Variants in ENPP2 observed in about 807,000 individuals in gnomAD.
ENPP2 encodes the protein autotaxin.
ENPP2 carries 51 observed loss-of-function variants against 120.2 expected under a neutral mutation model. The ratio of observed to expected loss-of-function variants is 0.42; its 90% CI spans 0.34 to 0.54. ENPP2 has a LOEUF of 0.54. ENPP2 is among the 20% of genes least tolerant of loss of function. The pLI, the probability that ENPP2 is intolerant of heterozygous loss-of-function variation, is 0.04. For synonymous variants in ENPP2, 365 were observed against 366.4 expected, an observed-to-expected ratio of 1.00 and a Z score of 0.04; for missense variants, 920 against 1,066.5, an observed-to-expected ratio of 0.86 and a Z score of 1.91.
intron 1 of ENPP2, among the ~76,000 whole-genome samples, chr8:119,670,133 C>G (rs1818197496): frequency 6.6e-6 from 1 of 152,214 alleles, no homozygotes; most frequent in Non-Finnish European, 1.5e-5. Flanking sequence ...AGAGCCAAAA[C>G]TGCAAAAGGC....
At chr8:119,631,204 C>CTTTTTTTTT (rs60092023) in intron 2 of ENPP2, among the ~76,000 whole-genome samples, 1 of 61,746 alleles carries the variant, frequency 1.6e-5, no homozygotes, top group Non-Finnish European at 2.8e-5. Flanking sequence ...ATGCTGCTAT[C>CTTTTTTTTT]TTTTTTTTTT....
intron 1 of ENPP2, among the ~76,000 whole-genome samples, chr8:119,657,403 A>T (rs901134539): frequency 6.6e-6 from 1 of 152,176 alleles, no homozygotes; most frequent in Non-Finnish European, 1.5e-5. Context: ...AATTCTTCTT[A>T]CTAAACTGAA....
intron 1 of ENPP2, among the ~76,000 whole-genome samples, chr8:119,654,304 A>G (rs1186018983): frequency 7.0e-6 from 1 of 142,040 alleles, no homozygotes; most frequent in Non-Finnish European, 1.5e-5. Context: ...ATGTATCTAT[A>G]TATAATACTT....
intron 3 of ENPP2, among the ~76,000 whole-genome samples, chr8:119,625,386 G>A (rs1265673118): frequency 1.3e-5 from 2 of 152,210 alleles, no homozygotes; most frequent in Non-Finnish European, 2.9e-5. Flanking sequence ...ACAGCCTAAT[G>A]AAGCTGTTCT....
At chr8:119,576,362 T>C (rs965937113) in intron 19 of ENPP2, among the ~76,000 whole-genome samples, 6 of 152,298 alleles carry the variant, frequency 3.9e-5, no homozygotes, top group Admixed American at 6.5e-5. Context: ...GGTTTTGAAC[T>C]CTTGACCTCA....
chr8:119,563,429 C>A (rs1814134263), intron 23 of ENPP2, among the ~76,000 whole-genome samples: 1 of 152,094 alleles, frequency 6.6e-6, no homozygotes, highest in Admixed American at 6.5e-5. Flanking sequence ...TAGGGAGTGT[C>A]ATTCATTATT....
At chr8:119,664,800 G>A (rs1587593152) in intron 1 of ENPP2, among the ~76,000 whole-genome samples, 1 of 152,150 alleles carries the variant, frequency 6.6e-6, no homozygotes, top group African/African-American at 2.4e-5. Flanking sequence ...AAATAGCCGG[G>A]TGTGGTGGAA....
Position 119,625,498 on chromosome 8 carries a change from A to G in ENPP2, c.292+1067T>C, listed in dbSNP as rs112227186. Among the ~76,000 whole-genome samples, 336 of 152,330 alleles carry G rather than the reference A, an allele frequency of 2.2e-3. 1 individual carries two copies. Among genetic ancestry groups the G allele is most frequent in the African/African-American group, 7.6e-3 (317 of 41,578 alleles). ...TACCACTTAGGCAAAACACAGTAAT[A>G]ACTGTTTCTAATGATAAAATTTGAA... On this transcript the variant is annotated intron_variant, in intron 3 of 24. Coordinates refer to ENST00000075322, the MANE Select transcript of ENPP2 (RefSeq NM_001040092.3).
Position 119,600,729 on chromosome 8 carries a change from A to G in ENPP2, c.921T>C (p.Tyr307=). ...DHERPSVYAF[Y]SEQPDFSGHK... is the part of the protein sequence containing the mutation. Reference sequence around the variant, plus strand: ...GTCCAGAGAAATCAGGTTGCTCAGAATAGAAGGCATAGACCGAAGGCCTAT... The same window carrying G: ...GTCCAGAGAAATCAGGTTGCTCAGAGTAGAAGGCATAGACCGAAGGCCTAT... The change falls in exon 11 of 25, where the codon TAT becomes TAC. Residue 307 remains tyrosine (Y), a synonymous_variant. Coordinates refer to ENST00000075322, the MANE Select transcript of ENPP2 (RefSeq NM_001040092.3). 1 of 1,611,548 alleles carries G rather than the reference A, an allele frequency of 6.2e-7. No individual in the cohort carries two copies. Among genetic ancestry groups the G allele is most frequent in the Non-Finnish European group, 8.5e-7 (1 of 1,177,668 alleles).
chr8:119,586,099 G>T, intron 15 of ENPP2, 87 bp downstream of exon 15: 1 of 1,404,726 alleles, frequency 7.1e-7, no homozygotes, highest in Non-Finnish European at 9.8e-7. Flanking sequence ...ATTTCTTTCA[G>T]TGATGACTAA....
chr8:119,620,101 A>C (rs2130731446), intron 4 of ENPP2, among the ~76,000 whole-genome samples: 1 of 152,338 alleles, frequency 6.6e-6, no homozygotes, highest in Non-Finnish European at 1.5e-5. Flanking sequence ...CAATGGGGTA[A>C]CTATTATGCT....
At chr8:119,668,395 CT>C (rs929854786) in intron 1 of ENPP2, among the ~76,000 whole-genome samples, 2 of 147,580 alleles carry the variant, frequency 1.4e-5, no homozygotes, top group Non-Finnish European at 3.0e-5. Context: ...ATGTTCTATA[CT>C]TTTTTTTTCT....
chr8:119,612,055 T>C (rs1815150003), intron 8 of ENPP2, among the ~76,000 whole-genome samples: 1 of 151,898 alleles, frequency 6.6e-6, no homozygotes. Flanking sequence ...AAAAGAGATT[T>C]CCAAATTTAT....
rs183922511 is a variant in ENPP2, at chr8:119,592,180, C to T, written c.1082-1550G>A. Among the ~76,000 whole-genome samples, 326 of 152,218 alleles carry T rather than the reference C, an allele frequency of 2.1e-3. 2 individuals carry two copies. The highest frequency in any genetic ancestry group is 2.8e-3 in the Non-Finnish European group (191 of 68,012). On this transcript the variant is annotated intron_variant, in intron 12 of 24. Coordinates refer to ENST00000075322, the MANE Select transcript of ENPP2 (RefSeq NM_001040092.3). ...TTCATTATGACTCCAAAGACCATGC[C>T]CTAAAACACTAAACCATACCATCTT...
chr8:119,628,896 G>A (rs992264720), intron 2 of ENPP2, among the ~76,000 whole-genome samples: 4 of 152,110 alleles, frequency 2.6e-5, no homozygotes, highest in African/African-American at 9.7e-5. Flanking sequence ...TACATTTAGG[G>A]AAAATGAGAA....
At chr8:119,589,077 T>C (rs1813320936) in intron 13 of ENPP2, among the ~76,000 whole-genome samples, 1 of 152,224 alleles carries the variant, frequency 6.6e-6, no homozygotes, top group Non-Finnish European at 1.5e-5. Flanking sequence ...TGTATGTGTA[T>C]GTGTGTGTGT....
rs79966572 is a variant in ENPP2, at chr8:119,594,330, T to C, written c.973-470A>G. ...GGATAATAAATTAGAATATCATTAA[T>C]ACAATGAGATCCATCTTGTTCTAAG... On this transcript the variant is annotated intron_variant, in intron 11 of 24. Coordinates refer to ENST00000075322, the MANE Select transcript of ENPP2 (RefSeq NM_001040092.3). Among the ~76,000 whole-genome samples, 702 of 152,304 alleles carry C rather than the reference T, an allele frequency of 4.6e-3. 3 individuals are homozygous for C. Among genetic ancestry groups the C allele is most frequent in the African/African-American group, 0.016 (668 of 41,562 alleles).
chr8:119,566,203 C>G (rs1257414014), intron 22 of ENPP2, among the ~76,000 whole-genome samples: 1 of 152,186 alleles, frequency 6.6e-6, no homozygotes, highest in Non-Finnish European at 1.5e-5. Context: ...TTCTAATTTC[C>G]ATAATGGCCA....
At chr8:119,639,161 T>C (rs1235047376), upstream of ENPP2, among the ~76,000 whole-genome samples, 1 of 152,204 alleles carries the variant, frequency 6.6e-6, no homozygotes, top group Non-Finnish European at 1.5e-5. Context: ...TTTCATCCGA[T>C]AAAAATGAAA....
Sources: gnomAD v4.1 joint callset for allele counts (sites outside exome capture counted in the v4.1 genomes callset) on GRCh38, gnomAD v4.1.1 for gene constraint, MANE v1.5 for transcripts, NCBI Gene and HGNC (gene_info 2026-07-23, HGNC 2026-07-21) for gene names.